RALB: variants seen among roughly 807,000 people sequenced by gnomAD.
RALB encodes the protein RAS like proto-oncogene B.
In RALB, 16 loss-of-function variants were observed where a neutral mutation model predicts 21.3. The ratio of observed to expected loss-of-function variants is 0.75; its 90% CI spans 0.51 to 1.14. RALB has a LOEUF of 1.14. Ranked by LOEUF, RALB falls within the 50% of genes most tolerant of loss-of-function variation. RALB has a pLI of 0.00. For synonymous variants in RALB, 93 were observed against 96.1 expected (o/e 0.97, Z 0.19); for missense variants, 161 against 256.2 (o/e 0.63, Z 2.54).
chr2:120,265,945 C>T (rs1689492220), intron 1 of RALB, among the ~76,000 whole-genome samples: 1 of 152,222 alleles, frequency 6.6e-6, no homozygotes, highest in African/African-American at 2.4e-5. Context: ...GCAGGAACTT[C>T]AGAGTGAATC....
At chr2:120,248,299 C>T (rs1041568638), upstream of RALB, among the ~76,000 whole-genome samples, 7 of 152,202 alleles carry the variant, frequency 4.6e-5, no homozygotes, top group African/African-American at 1.4e-4. Context: ...TACACTCCTG[C>T]CAGCTCATGG....
chr2:120,280,818 T>G (rs1471504735), intron 2 of RALB: 1 of 387,070 alleles, frequency 2.6e-6, no homozygotes, highest in South Asian at 1.9e-5. Context: ...GACTAAATTA[T>G]TTTTTATTCT....
At chr2:120,243,461 C>A (rs1688924305) in intron 1 of RALB, among the ~76,000 whole-genome samples, 2 of 152,210 alleles carry the variant, frequency 1.3e-5, no homozygotes, top group Admixed American at 1.3e-4. Context: ...GCCTGGGGAG[C>A]ACCTCCCTCC....
upstream of RALB, chr2:120,252,701 C>T: frequency 3.4e-6 from 3 of 890,090 alleles, no homozygotes; most frequent in Non-Finnish European, 4.0e-6. Flanking sequence ...ACCTCCTCCC[C>T]GGCCGCCCGC....
chr2:120,288,354 G>GT (rs398042633), intron 3 of RALB, among the ~76,000 whole-genome samples: 42 of 128,906 alleles, frequency 3.3e-4, no homozygotes, highest in East Asian at 1.1e-3. Context: ...TTTTTTTTTT[G>GT]TTTTTTTTTT....
chr2:120,285,761 C>T (rs1196979322), intron 2 of RALB, 113 bp from the exon 3 acceptor site: 1 of 816,688 alleles, frequency 1.2e-6, no homozygotes, highest in Non-Finnish European at 2.0e-6. Flanking sequence ...TAAAATGTTG[C>T]TTCTGTAGTG....
intron 2 of RALB, among the ~76,000 whole-genome samples, chr2:120,284,579 T>C (rs781217398): frequency 2.0e-4 from 31 of 152,194 alleles, no homozygotes; most frequent in Non-Finnish European, 4.1e-4. Flanking sequence ...TTTGTATTTT[T>C]AGTAGAGATG....
chr2:120,268,299 C>A (rs898203061), intron 1 of RALB, among the ~76,000 whole-genome samples: 1 of 138,656 alleles, frequency 7.2e-6, no homozygotes, highest in Non-Finnish European at 1.6e-5. Context: ...CCAGCCCTAT[C>A]CTCGGCCTCC....
At chr2:120,259,919 C>T (rs1329997948) in intron 1 of RALB, among the ~76,000 whole-genome samples, 6 of 152,286 alleles carry the variant, frequency 3.9e-5, no homozygotes, top group African/African-American at 7.2e-5. Flanking sequence ...CAAGGCCCGG[C>T]GAGAAATCGA....
At chr2:120,241,754 A>G (rs1460955089) in intron 1 of RALB, among the ~76,000 whole-genome samples, 1 of 152,134 alleles carries the variant, frequency 6.6e-6, no homozygotes, top group South Asian at 2.1e-4. Context: ...AAAACAAAAC[A>G]AAAAAACAGA....
intron 1 of RALB, among the ~76,000 whole-genome samples, chr2:120,266,108 A>G (rs183683165): frequency 7.2e-5 from 11 of 152,334 alleles, no homozygotes; most frequent in African/African-American, 2.6e-4. Context: ...TTATCAGATA[A>G]ATGAATTAAT....
chr2:120,284,404 T>G (rs1457844340), intron 2 of RALB, among the ~76,000 whole-genome samples: 2 of 14,780 alleles, frequency 1.4e-4, no homozygotes, highest in African/African-American at 1.0e-3. Flanking sequence ...AAGTGTACAA[T>G]TTTTTTTTTT....
In RALB at chr2:120,243,736, A is replaced by C. The variant is rs142291082; in HGVS notation, c.19+3611A>C. 5.3e-5 allele frequency among the ~76,000 whole-genome samples: 8 copies of C among 152,258 alleles called. No individual in the cohort carries two copies. The East Asian group carries it at 1.5e-3, about 29-fold the overall frequency. On this transcript the variant is annotated intron_variant, in intron 1 of 3. Transcript: ENST00000447591. ...AATAAAAATACAACATGCCCAGTTA[A>C]ATTTGAATTTCAGATATAAAAATGC...
rs79407063 is a variant in RALB at position 120,270,942 on chromosome 2, A to G, written c.-47-7676A>G. Among the ~76,000 whole-genome samples, 1,295 of 152,310 alleles carry G rather than the reference A, an allele frequency of 8.5e-3. 16 individuals are homozygous for G. The highest frequency in any genetic ancestry group is 0.031 in the Middle Eastern group (9 of 294). On this transcript the variant is annotated intron_variant, in intron 1 of 4. Coordinates refer to ENST00000272519, the MANE Select transcript of RALB (RefSeq NM_002881.3). ...GTTCATACTGTCTGGAGGAGTGCTG[A>G]ATGCAGTTATTGGCAGGTGTGTAAT...
intron 1 of RALB, among the ~76,000 whole-genome samples, chr2:120,275,004 A>G (rs1050943761): frequency 2.6e-5 from 4 of 152,160 alleles, no homozygotes; most frequent in Non-Finnish European, 5.9e-5. Context: ...TTCGTTTAGC[A>G]TTGCCTGGGC....
intron 1 of RALB, among the ~76,000 whole-genome samples, chr2:120,243,161 T>C (rs573270756): frequency 7.2e-5 from 11 of 152,322 alleles, no homozygotes; most frequent in African/African-American, 2.6e-4. Flanking sequence ...GGCTGTAGCA[T>C]TGGCACTCCG....
At chr2:120,277,750 T>A (rs1194263399) in intron 1 of RALB, among the ~76,000 whole-genome samples, 3 of 151,710 alleles carry the variant, frequency 2.0e-5, no homozygotes, top group African/African-American at 7.3e-5. Flanking sequence ...TGTGTGTGAA[T>A]GTGAGCATGT....
At chr2:120,276,419 A>T in intron 1 of RALB, among the ~76,000 whole-genome samples, 1 of 152,244 alleles carries the variant, frequency 6.6e-6, no homozygotes, top group Middle Eastern at 3.4e-3. Flanking sequence ...CCTGGCCAAC[A>T]TGGTGAAACC....
intron 1 of RALB, among the ~76,000 whole-genome samples, chr2:120,265,179 C>T (rs1355683601): frequency 1.3e-5 from 2 of 152,192 alleles, no homozygotes; most frequent in Admixed American, 6.5e-5. Flanking sequence ...TTGCAAACGT[C>T]GGGGTATACT....
Sources: gnomAD v4.1 joint callset for allele counts (sites outside exome capture counted in the v4.1 genomes callset) on GRCh38, gnomAD v4.1.1 for gene constraint, MANE v1.5 for transcripts, NCBI Gene and HGNC (gene_info 2026-07-23, HGNC 2026-07-21) for gene names.